Variants in PCDHA5 observed in about 807,000 individuals in gnomAD.
PCDHA5 encodes the protein protocadherin alpha 5, also known as protocadherin alpha-5.
In PCDHA5, 43 loss-of-function variants were observed where a neutral mutation model predicts 61.6. That is an observed-to-expected ratio of 0.70 (90% CI 0.55 to 0.90). The LOEUF is 0.90. Among genes scored for constraint, PCDHA5 ranks in the 40% least tolerant of loss-of-function variants. The probability of loss-of-function intolerance (pLI) is 0.00; values close to 1 mark genes in which losing one functional copy is unlikely to be tolerated. For synonymous variants in PCDHA5, 627 were observed against 543.9 expected (o/e 1.15, Z -2.13); for missense variants, 1,298 against 1,222.7 (o/e 1.06, Z -0.92).
At chr5:140,876,543 C>T (rs1357446844) in intron 1 of PCDHA5, 10 of 1,614,022 alleles carry the variant, frequency 6.2e-6, no homozygotes, top group African/African-American at 2.7e-5. Context: ...CACTGTCGCT[C>T]CCTGTGCAAG....
intron 1 of PCDHA5, among the ~76,000 whole-genome samples, chr5:140,913,389 C>T (rs1427012396): frequency 6.6e-6 from 1 of 152,122 alleles, no homozygotes; most frequent in Admixed American, 6.5e-5. Flanking sequence ...CTCATCATAG[C>T]CACTAATGAT....
At chr5:140,979,104 A>G (rs1563470833) in intron 2 of PCDHA5, 97 bp downstream of exon 2, 3 of 1,539,000 alleles carry the variant, frequency 1.9e-6, no homozygotes, top group Admixed American at 2.2e-5. Context: ...TGTCAAAACT[A>G]AAAAGCTTTA....
At position 140,844,006 on chromosome 5, in the gene PCDHA5, C is replaced by T. The variant is rs1258789343; in HGVS notation, c.2352+19879C>T. Among the ~76,000 whole-genome samples, 3 of 149,656 alleles carry T rather than the reference C, an allele frequency of 2.0e-5. No homozygotes were observed. In the Admixed American group the frequency reaches 2.0e-4, roughly 10 times the overall value. ...ACAGCCGTCTTCTCTGAACAATACT[C>T]TAAGGACGTTCAGGGCATTTTGATC... is the stretch of plus-strand genomic sequence containing the variant. On this transcript the variant is annotated intron_variant, in intron 1 of 3. Coordinates refer to ENST00000529859, the MANE Select transcript of PCDHA5 (RefSeq NM_018908.3).
chr5:140,829,381 G>A (rs2150166852), intron 1 of PCDHA5: 10 of 1,614,200 alleles, frequency 6.2e-6, no homozygotes, highest in African/African-American at 1.3e-5. Context: ...CGCGGGACGG[G>A]GGCTCGCCTT....
chr5:140,841,658 C>T lies in PCDHA5; in HGVS notation c.2352+17531C>T, dbSNP rs146047089. On this transcript the variant is annotated intron_variant, in intron 1 of 3. Transcript: ENST00000529859. Reference sequence around the variant, plus strand: ...CCACCTGGAGGTGATCGTGGACAGGCCGCTGCAGGTTTTCCATGTGGACGT... The same window carrying T: ...CCACCTGGAGGTGATCGTGGACAGGTCGCTGCAGGTTTTCCATGTGGACGT... 7.3e-3 allele frequency: 11,721 copies of T among 1,614,100 alleles called. 53 individuals are homozygous for T. Among genetic ancestry groups the T allele is most frequent in the South Asian group, 8.3e-3 (753 of 91,074 alleles).
rs1479171365 is a variant in PCDHA5, at chr5:140,869,633, A to AT, written c.2352+45511dup. 9 of 1,613,494 alleles carry AT rather than the reference A, an allele frequency of 5.6e-6. No homozygotes were observed. In the African/African-American group the frequency reaches 8.0e-5, roughly 14 times the overall value. On this transcript the variant is annotated intron_variant, in intron 1 of 3. Coordinates refer to ENST00000529859, the MANE Select transcript of PCDHA5 (RefSeq NM_018908.3). ...ACCTACAGGCTAAGTAAAAATGAGT[A>AT]TTTTTCTTTAGATTCACCAACAAAT...
intron 1 of PCDHA5, chr5:140,928,599 T>G: frequency 6.2e-7 from 1 of 1,614,224 alleles, no homozygotes. Context: ...CAGTGGAAAT[T>G]GTGCCCCGCT....
chr5:140,842,159 T>A (rs2150330749), intron 1 of PCDHA5: 1 of 1,613,882 alleles, frequency 6.2e-7, no homozygotes, highest in South Asian at 1.1e-5. Context: ...AATTTCATAT[T>A]CTTTTAATAG....
intron 1 of PCDHA5, chr5:140,870,634 G>C: frequency 6.2e-7 from 1 of 1,612,862 alleles, no homozygotes; most frequent in Non-Finnish European, 8.5e-7. Context: ...GTCGGTGCAC[G>C]CGGAGAGCGG....
chr5:140,947,107 G>A (rs1041048233), intron 1 of PCDHA5, among the ~76,000 whole-genome samples: 12 of 151,202 alleles, frequency 7.9e-5, no homozygotes, highest in South Asian at 4.2e-4. Flanking sequence ...AAATAGGTAC[G>A]TGTCAATTAA....
chr5:140,951,707 G>A (rs1162162711), intron 1 of PCDHA5, among the ~76,000 whole-genome samples: 6 of 152,076 alleles, frequency 3.9e-5, no homozygotes, highest in African/African-American at 1.4e-4. Flanking sequence ...TTTGGGCGGG[G>A]ACACAGATCC....
At chr5:140,993,668 A>G (rs551356894) in intron 3 of PCDHA5, among the ~76,000 whole-genome samples, 167 of 152,322 alleles carry the variant, frequency 1.1e-3, no homozygotes, top group African/African-American at 3.4e-3. Context: ...ACAATGGACC[A>G]CATATGTGAC....
chr5:140,997,567 G>A (rs1163598467), intron 3 of PCDHA5, among the ~76,000 whole-genome samples: 1 of 152,130 alleles, frequency 6.6e-6, no homozygotes, highest in Non-Finnish European at 1.5e-5. Flanking sequence ...ACTGTCATAT[G>A]TGTGGTCCGT....
chr5:140,865,528 T>C (rs2048902393), intron 1 of PCDHA5: 1 of 152,220 alleles, frequency 6.6e-6, no homozygotes, highest in Non-Finnish European at 1.5e-5. Context: ...GGAATTCTCT[T>C]CATCCATAGC....
At position 140,884,619 on chromosome 5, in the gene PCDHA5, A is replaced by C; in HGVS notation, c.2352+60492A>C. ...CTTCCTCCTTGTCTGGGTTCTGCAGAGGGAACAGGCCAGAGGGAGGAGGAC... is the reference window on the plus strand; with the variant it reads ...CTTCCTCCTTGTCTGGGTTCTGCAGCGGGAACAGGCCAGAGGGAGGAGGAC... On this transcript the variant is annotated intron_variant, in intron 1 of 3. Coordinates refer to ENST00000529859, the MANE Select transcript of PCDHA5 (RefSeq NM_018908.3). 3.7e-6 allele frequency: 6 copies of C among 1,614,074 alleles called. No homozygotes were observed. The highest frequency in any genetic ancestry group is 5.1e-6 in the Non-Finnish European group (6 of 1,179,956).
At position 140,823,109 on chromosome 5, in the gene PCDHA5, C is replaced by G; in HGVS notation, c.1334C>G (p.Ala445Gly). Residue 445 changes from alanine to glycine, a missense_variant, in exon 1 of 4, where the codon GCC becomes GGC. Coordinates refer to ENST00000529859, the MANE Select transcript of PCDHA5 (RefSeq NM_018908.3). ...ACCGCCAGCGTGTCTGTGGAAGTGG[C>G]CGACGTGAACGACAACGCTCCGGCG... is the stretch of plus-strand genomic sequence containing the variant. ...WATASVSVEV[A>G]DVNDNAPAFA... 6.2e-7 allele frequency: 1 copy of G among 1,614,038 alleles called. No homozygotes were observed. Among genetic ancestry groups the G allele is most frequent in the Non-Finnish European group, 8.5e-7 (1 of 1,179,978 alleles).
chr5:140,890,966 T>C (rs2062882231), intron 1 of PCDHA5, among the ~76,000 whole-genome samples: 1 of 152,206 alleles, frequency 6.6e-6, no homozygotes, highest in African/African-American at 2.4e-5. Flanking sequence ...TCAGGTTTTG[T>C]TTTTCTGAAA....
chr5:140,875,810 C>T, intron 1 of PCDHA5: 1 of 1,614,106 alleles, frequency 6.2e-7, no homozygotes, highest in Non-Finnish European at 8.5e-7. Context: ...GTGGACAGGC[C>T]GCTGCAGGTT....
Position 140,870,991 on chromosome 5 carries a change from A to G in PCDHA5, c.2352+46864A>G, listed in dbSNP as rs782466247. On this transcript the variant is annotated intron_variant, in intron 1 of 3. Coordinates refer to ENST00000529859, the MANE Select transcript of PCDHA5 (RefSeq NM_018908.3). ...CCGCGTGGGGCTGTACACGGGCGAGATAAGCACAACGCGTGCCCTGGACGA... is the reference window on the plus strand; with the variant it reads ...CCGCGTGGGGCTGTACACGGGCGAGGTAAGCACAACGCGTGCCCTGGACGA... 10 of 1,613,364 alleles carry G rather than the reference A, an allele frequency of 6.2e-6. No individual in the cohort carries two copies. The East Asian group carries it at 1.1e-4, about 18-fold the overall frequency.
Sources: gnomAD v4.1 joint callset for allele counts (sites outside exome capture counted in the v4.1 genomes callset) on GRCh38, gnomAD v4.1.1 for gene constraint, MANE v1.5 for transcripts, NCBI Gene and HGNC (gene_info 2026-07-23, HGNC 2026-07-21) for gene names.